The following MYT1L variants were observed in gnomAD, a reference collection of about 807,000 sequenced individuals.
MYT1L encodes the protein myelin transcription factor 1 like, also known as myelin transcription factor 1-like protein.
MYT1L carries 12 observed loss-of-function variants against 126.7 expected under a neutral mutation model. The ratio of observed to expected loss-of-function variants is 0.09; its 90% CI spans 0.06 to 0.15. The LOEUF (loss-of-function observed/expected upper bound fraction) is 0.15, where lower values mean the gene tolerates loss of function less well. MYT1L is among the 10% of genes least tolerant of loss of function. MYT1L has a pLI of 1.00. For missense variants in MYT1L, 979 were observed against 1,585.2 expected (o/e 0.62, Z 6.49); for synonymous variants, 541 against 604.2 (o/e 0.90, Z 1.53).
At chr2:1,843,653 T>C (rs1032723400) in intron 19 of MYT1L, among the ~76,000 whole-genome samples, 2 of 152,020 alleles carry the variant, frequency 1.3e-5, no homozygotes, top group African/African-American at 4.8e-5. Context: ...AGAATTAAAG[T>C]GTCTTACCCA....
intron 3 of MYT1L, among the ~76,000 whole-genome samples, chr2:2,127,629 T>C (rs1429505383): frequency 6.6e-6 from 1 of 152,208 alleles, no homozygotes; most frequent in Admixed American, 6.5e-5. Context: ...CTCTCCGTCC[T>C]GAGTGTTATG....
At position 2,094,562 on chromosome 2, in the gene MYT1L, C is replaced by T. The variant is rs185211689; in HGVS notation, c.-303-40439G>A. Among the ~76,000 whole-genome samples, 1,305 of 152,246 alleles carry T rather than the reference C, an allele frequency of 8.6e-3. 20 individuals are homozygous for T. The highest frequency in any genetic ancestry group is 0.026 in the African/African-American group (1,089 of 41,522). ...GATAGACTGGATTAAGAAAATGTGG[C>T]ACATATACACCATGGAATACTATGT... On this transcript the variant is annotated intron_variant, in intron 3 of 24. Transcript: ENST00000647738.
chr2:2,146,628 T>C (rs537124702), intron 3 of MYT1L, among the ~76,000 whole-genome samples: 1 of 152,322 alleles, frequency 6.6e-6, no homozygotes, highest in Non-Finnish European at 1.5e-5. Flanking sequence ...GCCGGCTTGT[T>C]CAGGAGCTAT....
intron 3 of MYT1L, among the ~76,000 whole-genome samples, chr2:2,094,482 T>A (rs550276478): frequency 6.6e-6 from 1 of 152,142 alleles, no homozygotes; most frequent in Admixed American, 6.6e-5. Context: ...TGTATGTTTA[T>A]TGCGGCACTA....
Position 2,141,850 on chromosome 2 carries a change from T to C in MYT1L, c.-304+31022A>G, listed in dbSNP as rs543831512. Among the ~76,000 whole-genome samples, 4 of 152,232 alleles carry C rather than the reference T, an allele frequency of 2.6e-5. No individual in the cohort carries two copies. The South Asian group carries it at 8.3e-4, about 32-fold the overall frequency. On this transcript the variant is annotated intron_variant, in intron 3 of 24. Transcript: ENST00000647738. Reference sequence around the variant, plus strand: ...TTAGTCCAGGAGCCTCCTTTGAAGGTTGCAGAGAAACTTTAAACATTGAGA... The same window carrying C: ...TTAGTCCAGGAGCCTCCTTTGAAGGCTGCAGAGAAACTTTAAACATTGAGA...
chr2:1,907,214 C>T (rs987932474), intron 13 of MYT1L, among the ~76,000 whole-genome samples: 10 of 151,356 alleles, frequency 6.6e-5, no homozygotes, highest in African/African-American at 2.4e-4. Flanking sequence ...GAAGAGAGAA[C>T]ACTCCAGGCT....
intron 3 of MYT1L, among the ~76,000 whole-genome samples, chr2:2,168,251 G>A (rs868823735): frequency 2.6e-5 from 4 of 152,138 alleles, no homozygotes; most frequent in Admixed American, 1.3e-4. Flanking sequence ...TAAAAAAGAC[G>A]GAAGTTTGTG....
intron 2 of MYT1L, among the ~76,000 whole-genome samples, chr2:2,223,778 A>C (rs1050661794): frequency 1.3e-5 from 2 of 152,184 alleles, no homozygotes; most frequent in Non-Finnish European, 2.9e-5. Flanking sequence ...TTATGTTTCC[A>C]TTTTCATTTT....
intron 4 of MYT1L, among the ~76,000 whole-genome samples, chr2:2,029,348 C>T (rs539605719): frequency 2.7e-4 from 41 of 152,302 alleles, no homozygotes; most frequent in African/African-American, 9.4e-4. Context: ...TTCCACATGG[C>T]TGGGGAGGCC....
chr2:2,197,586 G>A (rs1397117447), intron 2 of MYT1L, among the ~76,000 whole-genome samples: 2 of 142,482 alleles, frequency 1.4e-5, no homozygotes, highest in Admixed American at 1.4e-4. Context: ...CACAACGAAG[G>A]TGCAGATATA....
Position 1,917,321 on chromosome 2 carries a change from T to G in MYT1L, c.1502A>C (p.Lys501Thr). Residue 501 changes from lysine (K) to threonine (T), a missense_variant, in exon 11 of 25, where the codon AAG (lysine) becomes ACG (threonine). Lys to Thr is a moderately conservative substitution (Grantham distance 78). Around this residue, in one of 12 missense-constraint regions of MYT1L, gnomAD observed 67 missense variants for 80.3 expected, o/e 0.83. Transcript: ENST00000647738. This position sits in a 1 kb window ranked among gnomAD's most constrained non-coding sequence, Gnocchi z 5.9. ...YYGKDPSRTE[K>T]KESKCPTPGC... ...GGGGGTTGGACACTTGCTCTCTTTC[T>G]TTTCTGTTCTTGAGGGATCTAAAAG... The G allele has an allele frequency of 6.2e-7, 1 of 1,612,378 alleles. No homozygotes were observed. The highest frequency in any genetic ancestry group is 8.5e-7 in the Non-Finnish European group (1 of 1,178,724).
At chr2:2,102,604 ATGTGTGTGTGTGTGTGTGTG>A (rs3047992) in intron 3 of MYT1L, among the ~76,000 whole-genome samples, 14 of 143,124 alleles carry the variant, frequency 9.8e-5, no homozygotes, top group African/African-American at 3.3e-4. Context: ...CCTCTTGGGA[ATGTGTGTGTGTGTGTGTGTG>A]TGTGTGTGTG....
At chr2:2,184,264 A>AT (rs2091887901) in intron 2 of MYT1L, among the ~76,000 whole-genome samples, 1 of 152,244 alleles carries the variant, frequency 6.6e-6, no homozygotes, top group Non-Finnish European at 1.5e-5. Flanking sequence ...TGACATACAA[A>AT]GTAATAAATA....
chr2:2,079,394 A>G (rs2075573296), intron 3 of MYT1L, among the ~76,000 whole-genome samples: 1 of 152,378 alleles, frequency 6.6e-6, no homozygotes, highest in East Asian at 1.9e-4. Context: ...ATTTAACATT[A>G]TTAAGGTAGC....
At chr2:1,824,234 C>G (rs1301803309) in intron 21 of MYT1L, among the ~76,000 whole-genome samples, 1 of 152,252 alleles carries the variant, frequency 6.6e-6, no homozygotes, top group Non-Finnish European at 1.5e-5. Context: ...ATGACCCCAA[C>G]CAATTCTTCC....
At position 1,793,802 on chromosome 2, in the gene MYT1L, G is replaced by C. The variant is rs369654294; in HGVS notation, c.3277-1338C>G. Among the ~76,000 whole-genome samples, 6 of 152,116 alleles carry C rather than the reference G, an allele frequency of 3.9e-5. No individual in the cohort carries two copies. The highest frequency in any genetic ancestry group is 8.8e-5 in the Non-Finnish European group (6 of 68,034). On this transcript the variant is annotated intron_variant, in intron 23 of 24. Transcript: ENST00000647738. This position sits in a 1 kb window ranked among gnomAD's most constrained non-coding sequence, Gnocchi z 4.6. Reference sequence around the variant, plus strand: ...TGACCTTCTCATTCGTGTTCTTTGGGGTTATTTATCAAATTAATGTTCCCC... The same window carrying C: ...TGACCTTCTCATTCGTGTTCTTTGGCGTTATTTATCAAATTAATGTTCCCC...
intron 2 of MYT1L, among the ~76,000 whole-genome samples, chr2:2,215,401 A>G (rs1318451248): frequency 6.6e-6 from 1 of 152,224 alleles, no homozygotes; most frequent in Non-Finnish European, 1.5e-5. Flanking sequence ...TGGCTCTGTT[A>G]ATAACAGACA....
chr2:1,858,797 CT>C (rs2044223951), intron 18 of MYT1L, among the ~76,000 whole-genome samples: 1 of 152,238 alleles, frequency 6.6e-6, no homozygotes, highest in Admixed American at 6.5e-5. Flanking sequence ...TTCTCCCACG[CT>C]AATACAGCAG....
intron 1 of MYT1L, among the ~76,000 whole-genome samples, chr2:2,295,993 T>A (rs1218760036): frequency 6.6e-6 from 1 of 151,750 alleles, no homozygotes; most frequent in Non-Finnish European, 1.5e-5. Flanking sequence ...AGAGAGAGAT[T>A]CCAAAGGCTG....
Sources: gnomAD v4.1 joint callset for allele counts (sites outside exome capture counted in the v4.1 genomes callset) on GRCh38, gnomAD v4.1.1 for gene constraint, gnomAD v4.1.1 regional missense constraint, Gnocchi (gnomAD v3.1) non-coding constraint, MANE v1.5 for transcripts, NCBI Gene and HGNC (gene_info 2026-07-23, HGNC 2026-07-21) for gene names.